ANK3: variants seen among roughly 807,000 people sequenced by gnomAD.
ANK3 encodes the protein ankyrin 3, also known as ankyrin-3.
A neutral mutation model predicts 370.9 loss-of-function variants in ANK3; 57 were observed. The ratio of observed to expected loss-of-function variants is 0.15; its 90% CI spans 0.12 to 0.19. ANK3 has a LOEUF of 0.19. ANK3 is among the 10% of genes least tolerant of loss of function. The probability of loss-of-function intolerance (pLI) is 1.00; values close to 1 mark genes in which losing one functional copy is unlikely to be tolerated. For missense variants in ANK3, 4,439 were observed against 5,302.1 expected, an observed-to-expected ratio of 0.84 and a Z score of 5.06; for synonymous variants, 1,929 against 1,946.3, an observed-to-expected ratio of 0.99 and a Z score of 0.23.
At chr10:60,638,192 A>T (rs1487136533) in intron 1 of ANK3, among the ~76,000 whole-genome samples, 3 of 152,244 alleles carry the variant, frequency 2.0e-5, no homozygotes, top group Non-Finnish European at 2.9e-5. Context: ...AGAAAGAACC[A>T]GTAGGCTGAA....
chr10:60,285,553 T>G (rs1006685312), intron 1 of ANK3, among the ~76,000 whole-genome samples: 8 of 152,152 alleles, frequency 5.3e-5, no homozygotes, highest in African/African-American at 1.9e-4. Flanking sequence ...GTCATCTCTT[T>G]GTTCACTTCC....
intron 1 of ANK3, among the ~76,000 whole-genome samples, chr10:60,728,194 CCA>C (rs1459800023): frequency 2.6e-5 from 4 of 152,078 alleles, no homozygotes; most frequent in Non-Finnish European, 5.9e-5. Flanking sequence ...CCTCAAGGAC[CCA>C]CAGAGGCCAA....
At chr10:60,304,657 A>G (rs2044594579) in intron 1 of ANK3, among the ~76,000 whole-genome samples, 1 of 152,134 alleles carries the variant, frequency 6.6e-6, no homozygotes, top group Non-Finnish European at 1.5e-5. Context: ...AAAAGAAAAA[A>G]TTGAGTTATA....
At chr10:60,692,637 A>C (rs1024872502) in intron 1 of ANK3, among the ~76,000 whole-genome samples, 1 of 152,134 alleles carries the variant, frequency 6.6e-6, no homozygotes, top group Non-Finnish European at 1.5e-5. Flanking sequence ...AACCACTGGG[A>C]CTCCAAATAA....
Position 60,596,130 on chromosome 10 carries a change from G to A in ANK3, c.96+19056C>T, listed in dbSNP as rs183185190. 2.5e-4 allele frequency among the ~76,000 whole-genome samples: 38 copies of A among 152,190 alleles called. No individual in the cohort carries two copies. In the South Asian group the frequency reaches 6.4e-3, roughly 26 times the overall value. ...AATTTGAGAAATGTGGATTTTACCC[G>A]ACATGAATAAGACTATGATACAAAT... On this transcript the variant is annotated intron_variant, in intron 2 of 43. Coordinates refer to the ANK3 transcript ENST00000373827.
At position 60,088,495 on chromosome 10, in the gene ANK3, G is replaced by T. The variant is rs527568494; in HGVS notation, c.3329-137C>A. 2,213 of 746,190 alleles carry T rather than the reference G, an allele frequency of 3.0e-3. 8 individuals carry two copies. Among genetic ancestry groups the T allele is most frequent in the Non-Finnish European group, 3.9e-3 (1,832 of 464,664 alleles). 46.2% of individuals were successfully genotyped at this position (746,190 alleles called of 1,614,324 possible). ...GGCTGAAGTGCAATGGCGTGATCTT[G>T]GCTCACCACAACCTCAGCCTTCTGG... On this transcript the variant is annotated intron_variant, in intron 28 of 43. Coordinates refer to ENST00000280772, the MANE Select transcript of ANK3 (RefSeq NM_020987.5).
intron 7 of ANK3, among the ~76,000 whole-genome samples, chr10:60,240,233 T>C (rs1336001478): frequency 4.9e-5 from 7 of 143,100 alleles, no homozygotes; most frequent in South Asian, 2.1e-4. Flanking sequence ...TATACACACA[T>C]ATATATACAC....
At chr10:60,244,513 C>G (rs1412829173) in intron 7 of ANK3, among the ~76,000 whole-genome samples, 1 of 152,132 alleles carries the variant, frequency 6.6e-6, no homozygotes, top group Admixed American at 6.5e-5. Context: ...ATTTTTGTCA[C>G]AAAGTTACTA....
chr10:60,327,571 A>G (rs1452439716), intron 1 of ANK3, among the ~76,000 whole-genome samples: 1 of 152,208 alleles, frequency 6.6e-6, no homozygotes, highest in South Asian at 2.1e-4. Flanking sequence ...GAAAAGAATA[A>G]GGGTGAGGAT....
At chr10:60,126,687 CAAA>C (rs34822081) in intron 25 of ANK3, among the ~76,000 whole-genome samples, 2 of 124,964 alleles carry the variant, frequency 1.6e-5, no homozygotes, top group Admixed American at 8.4e-5. Context: ...GACTCCGTCT[CAAA>C]AAAAAAAAAA....
intron 1 of ANK3, among the ~76,000 whole-genome samples, chr10:60,345,256 A>T (rs1318043205): frequency 6.6e-6 from 1 of 152,180 alleles, no homozygotes; most frequent in Non-Finnish European, 1.5e-5. Context: ...AGCACAATTT[A>T]TCATTTTTCA....
At chr10:60,566,719 T>C (rs765511049) in intron 2 of ANK3, among the ~76,000 whole-genome samples, 5 of 151,904 alleles carry the variant, frequency 3.3e-5, no homozygotes, top group Non-Finnish European at 7.4e-5. Context: ...CACACAAAAA[T>C]AAAAAAGTTA....
chr10:60,522,728 G>A (rs1170429626), intron 2 of ANK3, among the ~76,000 whole-genome samples: 1 of 152,020 alleles, frequency 6.6e-6, no homozygotes, highest in Non-Finnish European at 1.5e-5. Context: ...GGCTTTATAA[G>A]GATGATATGA....
chr10:60,480,799 C>G (rs1193767332), intron 2 of ANK3, among the ~76,000 whole-genome samples: 1 of 152,148 alleles, frequency 6.6e-6, no homozygotes, highest in Non-Finnish European at 1.5e-5. Flanking sequence ...AAATAATCCC[C>G]CAAGCTCTGT....
chr10:60,142,738 A>G (rs577545993), intron 23 of ANK3, among the ~76,000 whole-genome samples: 2 of 152,280 alleles, frequency 1.3e-5, no homozygotes, highest in South Asian at 4.1e-4. Context: ...TGAAAATAAA[A>G]TAGCCTTATA....
chr10:60,055,368 CT>C (rs1183722439), intron 42 of ANK3, among the ~76,000 whole-genome samples: 3 of 152,186 alleles, frequency 2.0e-5, no homozygotes, highest in Admixed American at 6.5e-5. Context: ...CTTAACGTCT[CT>C]CTGGTTCTTG....
intron 2 of ANK3, among the ~76,000 whole-genome samples, chr10:60,439,658 G>A (rs140199350): frequency 5.3e-5 from 8 of 152,156 alleles, no homozygotes; most frequent in South Asian, 2.1e-4. Context: ...GAGGATACAC[G>A]CAAACACTAG....
intron 8 of ANK3, among the ~76,000 whole-genome samples, chr10:60,225,660 C>T (rs1443108140): frequency 6.6e-6 from 1 of 152,096 alleles, no homozygotes; most frequent in African/African-American, 2.4e-5. Flanking sequence ...CCTTGTTCTA[C>T]TGCCATACCG....
At chr10:60,492,857 A>G (rs1023381345) in intron 2 of ANK3, among the ~76,000 whole-genome samples, 38 of 151,420 alleles carry the variant, frequency 2.5e-4, no homozygotes, top group African/African-American at 9.0e-4. Flanking sequence ...CAGGCAGATC[A>G]TGAGGTCAGG....
Sources: allele counts gnomAD v4.1 joint callset (sites outside exome capture counted in the v4.1 genomes callset), GRCh38; gene constraint gnomAD v4.1.1; transcripts MANE v1.5; gene names NCBI Gene and HGNC (gene_info 2026-07-23, HGNC 2026-07-21).